The following RDH13 variants were observed in gnomAD, a reference collection of about 807,000 sequenced individuals.
The protein encoded by RDH13 is retinol dehydrogenase 13 (all-trans and 9-cis).
In RDH13, 35 loss-of-function variants were observed where a neutral mutation model predicts 28.3. That is an observed-to-expected ratio of 1.24 (90% CI 0.95 to 1.64). RDH13 has a LOEUF of 1.64. Among genes scored for constraint, RDH13 ranks in the 40% most tolerant of loss-of-function variants. The pLI is 0.00. For missense variants in RDH13, 514 were observed against 446.3 expected, an observed-to-expected ratio of 1.15 and a Z score of -1.37; for synonymous variants, 229 against 198.5, an observed-to-expected ratio of 1.15 and a Z score of -1.29.
At chr19:55,042,999 T>G (rs902226427), downstream of RDH13, 1 of 152,150 alleles carries the variant, frequency 6.6e-6, no homozygotes, top group Non-Finnish European at 1.5e-5. Context: ...AGTCGCTACA[T>G]CTCCCCCACA....
At chr19:55,064,851 G>T (rs565564139), upstream of RDH13, among the ~76,000 whole-genome samples, 1 of 149,832 alleles carries the variant, frequency 6.7e-6, no homozygotes, top group Non-Finnish European at 1.5e-5. Context: ...GACCTCAGGT[G>T]ATCCACCTGC....
At chr19:55,043,741 T>C (rs570631563), downstream of RDH13, among the ~76,000 whole-genome samples, 2 of 152,246 alleles carry the variant, frequency 1.3e-5, no homozygotes, top group East Asian at 1.9e-4. Flanking sequence ...ACATGTTTTC[T>C]ATCTCGATTA....
intron 3 of RDH13, among the ~76,000 whole-genome samples, chr19:55,052,466 C>T (rs958418329): frequency 1.4e-4 from 21 of 150,672 alleles, no homozygotes; most frequent in African/African-American, 4.6e-4. Context: ...ATCACTTGAA[C>T]CCAGGAGGTG....
At position 55,058,369 on chromosome 19, in the gene RDH13, CA is replaced by C. The variant is rs758312144; in HGVS notation, c.184+787del. Among the ~76,000 whole-genome samples, 5 of 148,394 alleles carry C rather than the reference CA, an allele frequency of 3.4e-5. No homozygotes were observed. The East Asian group carries it at 1.0e-3, about 30-fold the overall frequency. On this transcript the variant is annotated intron_variant, in intron 2 of 6. Transcript: ENST00000415061. ...TGCCACTGCACTCCAGCCTGGGCGACAAGAGCAAAACTCCATCTCAAAAAAA... is the reference window on the plus strand; with the variant it reads ...TGCCACTGCACTCCAGCCTGGGCGACAGAGCAAAACTCCATCTCAAAAAAA...
Position 55,044,728 on chromosome 19 carries a change from C to G in RDH13, c.*346G>C. 1 of 325,014 alleles carries G rather than the reference C, an allele frequency of 3.1e-6. No individual in the cohort carries two copies. Among genetic ancestry groups the G allele is most frequent in the Non-Finnish European group, 5.6e-6 (1 of 178,648 alleles). The allele number at this position is 325,014 out of a possible 1,614,324, so 20.1% of individuals were successfully genotyped here. A position where few individuals can be genotyped will look rare whatever the true frequency, so the allele number is the denominator to read the frequency against. On this transcript the variant is annotated 3_prime_UTR_variant, in exon 7 of 7. Coordinates refer to ENST00000415061, the MANE Select transcript of RDH13 (RefSeq NM_001145971.2). ...ACTTGCCCATGCTCTTCACGGAGCA[C>G]CTTGGAACCCTCCCCGACAGGCACC...
chr19:55,063,087 A>G lies in RDH13; in HGVS notation c.-55T>C. 1 of 1,248,526 alleles carries G rather than the reference A, an allele frequency of 8.0e-7. No homozygotes were observed. The highest frequency in any genetic ancestry group is 2.2e-5 in the South Asian group (1 of 45,662). 77.3% of individuals were successfully genotyped at this position (1,248,526 alleles called of 1,614,324 possible). A position where few individuals can be genotyped will look rare whatever the true frequency, so the allele number is the denominator to read the frequency against. Reference sequence around the variant, plus strand: ...GGGGTCGGCGCGGAGCTTGCTGCACACCAGCCGCCTGGGTAGCTCCGAGGA... The same window carrying G: ...GGGGTCGGCGCGGAGCTTGCTGCACGCCAGCCGCCTGGGTAGCTCCGAGGA... On this transcript the variant is annotated 5_prime_UTR_variant, in exon 1 of 7. Transcript: ENST00000415061.
At chr19:55,045,669 G>T (rs1158304991) in intron 6 of RDH13, among the ~76,000 whole-genome samples, 1 of 152,098 alleles carries the variant, frequency 6.6e-6, no homozygotes, top group Non-Finnish European at 1.5e-5. Context: ...TTTTTGGCCA[G>T]GCGAGGTGGC....
Position 55,046,974 on chromosome 19 carries a change from C to G in RDH13, c.760+413G>C, listed in dbSNP as rs375403530. On this transcript the variant is annotated intron_variant, in intron 6 of 6. Coordinates refer to ENST00000415061, the MANE Select transcript of RDH13 (RefSeq NM_001145971.2). ...GTGCTGGCCCTTTCAAGGAAGGTCT[C>G]GTATAACCCCCCCAGTGACTGTGAG... 4.2e-5 allele frequency: 11 copies of G among 264,858 alleles called. No individual in the cohort carries two copies. The East Asian group carries it at 1.2e-3, about 30-fold the overall frequency. 16.4% of individuals were successfully genotyped at this position (264,858 alleles called of 1,614,324 possible). A position where few individuals can be genotyped will look rare whatever the true frequency, so the allele number is the denominator to read the frequency against.
At chr19:55,064,851 G>A (rs565564139), upstream of RDH13, among the ~76,000 whole-genome samples, 7 of 149,830 alleles carry the variant, frequency 4.7e-5, no homozygotes, top group Non-Finnish European at 1.0e-4. Context: ...GACCTCAGGT[G>A]ATCCACCTGC....
chr19:55,049,492 A>G (rs1287612721), intron 3 of RDH13, among the ~76,000 whole-genome samples: 2 of 152,172 alleles, frequency 1.3e-5, no homozygotes, highest in Non-Finnish European at 2.9e-5. Context: ...CAGGTGGTTT[A>G]AAACCTCACA....
rs531170786 is a variant in RDH13, at chr19:55,060,883, C to T, written c.66-1608G>A. Among the ~76,000 whole-genome samples the T allele has an allele frequency of 4.4e-3, 659 of 149,818 alleles. 6 individuals carry two copies. Among genetic ancestry groups the T allele is most frequent in the African/African-American group, 0.015 (608 of 41,136 alleles). On this transcript the variant is annotated intron_variant, in intron 1 of 6. Coordinates refer to ENST00000415061, the MANE Select transcript of RDH13 (RefSeq NM_001145971.2). Reference sequence around the variant, plus strand: ...GCACGAGATTCCCAAGGCTGCTGTACGCATTACCACAGACTTAGTGGCTTA... The same window carrying T: ...GCACGAGATTCCCAAGGCTGCTGTATGCATTACCACAGACTTAGTGGCTTA...
chr19:55,066,015 A>G (rs139955377), upstream of RDH13, among the ~76,000 whole-genome samples: 311 of 152,314 alleles, frequency 2.0e-3, 3 homozygotes, highest in Non-Finnish European at 2.4e-3. Flanking sequence ...CACTGCGCCC[A>G]GCTACCTGTC....
chr19:55,061,427 C>T (rs943873150), intron 1 of RDH13, among the ~76,000 whole-genome samples: 3 of 152,054 alleles, frequency 2.0e-5, no homozygotes, highest in Non-Finnish European at 4.4e-5. Flanking sequence ...CCACACCCAA[C>T]AACCTCTCCT....
At chr19:55,048,827 C>G (rs1297557326) in intron 3 of RDH13, 64 bp from the exon 4 acceptor site, 13 of 1,356,254 alleles carry the variant, frequency 9.6e-6, no homozygotes, top group Non-Finnish European at 1.1e-5. Context: ...GATGCACCAG[C>G]AGAAACACTC....
At chr19:55,056,630 C>T in intron 3 of RDH13, 23 bp downstream of exon 3, 1 of 1,612,894 alleles carries the variant, frequency 6.2e-7, no homozygotes, top group South Asian at 1.1e-5. Context: ...AGTCCTCATC[C>T]CACATGGCCA....
At chr19:55,049,935 TTCCCTTCCTC>T (rs2075372864) in intron 3 of RDH13, among the ~76,000 whole-genome samples, 1 of 42,490 alleles carries the variant, frequency 2.4e-5, no homozygotes, top group African/African-American at 6.9e-5. Context: ...TCTCTCCCTC[TTCCCTTCCTC>T]TTCCCTTTGG....
chr19:55,045,026 G>A lies in RDH13; in HGVS notation c.*48C>T. The A allele has an allele frequency of 1.4e-6, 2 of 1,396,504 alleles. No individual in the cohort carries two copies. The highest frequency in any genetic ancestry group is 2.0e-6 in the Non-Finnish European group (2 of 1,015,570). The allele number at this position is 1,396,504 out of a possible 1,614,324, so 86.5% of individuals were successfully genotyped here. A position where few individuals can be genotyped will look rare whatever the true frequency, so the allele number is the denominator to read the frequency against. Reference sequence around the variant, plus strand: ...GAAGCTGCGGGCATGGCGGACAGCTGTCCTCGGTCTGGAGGCGCCATCCTG... The same window carrying A: ...GAAGCTGCGGGCATGGCGGACAGCTATCCTCGGTCTGGAGGCGCCATCCTG... On this transcript the variant is annotated 3_prime_UTR_variant, in exon 7 of 7. Transcript: ENST00000415061.
chr19:55,048,112 A>G lies in RDH13; in HGVS notation c.658+217T>C, dbSNP rs146678400. 3,541 of 1,527,674 alleles carry G rather than the reference A, an allele frequency of 2.3e-3. 59 individuals are homozygous for G. In the African/African-American group the frequency reaches 0.036, roughly 16 times the overall value. 94.6% of individuals were successfully genotyped at this position (1,527,674 alleles called of 1,614,324 possible). On this transcript the variant is annotated intron_variant, in intron 5 of 6. Transcript: ENST00000415061. ...AGGGAAGGACATCTGATCCAGGCAG[A>G]CTAGACCACCTGGGATGAACAGACA...
At chr19:55,058,328 C>T (rs919924092) in intron 2 of RDH13, among the ~76,000 whole-genome samples, 1 of 150,840 alleles carries the variant, frequency 6.6e-6, no homozygotes, top group African/African-American at 2.4e-5. Flanking sequence ...GCGAAGGTTG[C>T]AGTGAGCCAA....
Sources: gnomAD v4.1 joint callset for allele counts (sites outside exome capture counted in the v4.1 genomes callset) on GRCh38, gnomAD v4.1.1 for gene constraint, MANE v1.5 for transcripts, NCBI Gene and HGNC (gene_info 2026-07-23, HGNC 2026-07-21) for gene names.